Variants in CNOT1 observed in about 807,000 individuals in gnomAD.
CNOT1 encodes CCR4-associated factor 1.
A neutral mutation model predicts 273.8 loss-of-function variants in CNOT1; 15 were observed. The observed-to-expected ratio is 0.05, with a 90% CI of 0.04 to 0.08. The LOEUF (loss-of-function observed/expected upper bound fraction) is 0.08, where lower values mean the gene tolerates loss of function less well. Ranked by LOEUF, CNOT1 falls within the 10% of genes least tolerant of loss-of-function variation. The pLI is 1.00. For missense variants in CNOT1, 1,644 were observed against 2,912.2 expected (o/e 0.56, Z 10.02); for synonymous variants, 1,022 against 1,005.5 (o/e 1.02, Z -0.31).
chr16:58,558,358 A>T (rs981133191), intron 18 of CNOT1, 115 bp downstream of exon 18: 1 of 1,519,216 alleles, frequency 6.6e-7, no homozygotes, highest in African/African-American at 1.4e-5. Context: ...TAGCTTTCAC[A>T]ATTTCATTTA....
intron 47 of CNOT1, 192 bp downstream of exon 47, chr16:58,523,178 G>A (rs1457156057): frequency 4.9e-6 from 2 of 405,266 alleles, no homozygotes; most frequent in African/African-American, 4.1e-5. Context: ...CTGGGAGGCG[G>A]AGGTTGCAGT....
At chr16:58,550,541 T>C (rs1049603537) in intron 24 of CNOT1, among the ~76,000 whole-genome samples, 3 of 152,216 alleles carry the variant, frequency 2.0e-5, no homozygotes, top group Admixed American at 6.5e-5. Context: ...TTCTTTTTTC[T>C]AGTTTATTTT....
At chr16:58,622,333 TGGGGGGGGGG>T (rs71155283) in intron 1 of CNOT1, among the ~76,000 whole-genome samples, 1 of 6,168 alleles carries the variant, frequency 1.6e-4, no homozygotes, top group Admixed American at 4.1e-3. Context: ...ACCACTCTAG[TGGGGGGGGGG>T]GGGGGGGCGG....
chr16:58,596,721 A>T (rs1274849832), intron 2 of CNOT1, among the ~76,000 whole-genome samples: 1 of 151,888 alleles, frequency 6.6e-6, no homozygotes, highest in Non-Finnish European at 1.5e-5. Context: ...CCCCGTCTCT[A>T]CTAAAAATAC....
intron 1 of CNOT1, among the ~76,000 whole-genome samples, chr16:58,625,877 A>C (rs2043556590): frequency 1.4e-5 from 2 of 145,754 alleles, no homozygotes; most frequent in Non-Finnish European, 3.0e-5. Context: ...AAAAAAAAAA[A>C]CTATTGTATA....
chr16:58,611,464 C>T (rs1262177486), intron 1 of CNOT1, among the ~76,000 whole-genome samples: 1 of 151,930 alleles, frequency 6.6e-6, no homozygotes, highest in African/African-American at 2.4e-5. Flanking sequence ...ACTCCCCAGT[C>T]AATTACTGAG....
intron 39 of CNOT1, among the ~76,000 whole-genome samples, chr16:58,535,729 CTTTTTTT>C (rs934094766): frequency 2.8e-5 from 4 of 145,036 alleles, no homozygotes; most frequent in African/African-American, 1.0e-4. Flanking sequence ...AACCTAATTT[CTTTTTTT>C]TTTTTAATTT....
chr16:58,605,265 G>A (rs935392989), intron 1 of CNOT1, among the ~76,000 whole-genome samples: 31 of 152,294 alleles, frequency 2.0e-4, no homozygotes, highest in African/African-American at 7.0e-4. Flanking sequence ...CACTTTGGGA[G>A]GCTGAGGCGG....
Position 58,547,711 on chromosome 16 carries a change from T to C in CNOT1, c.3523-29A>G, listed in dbSNP as rs780544931. 11 of 1,598,124 alleles carry C rather than the reference T, an allele frequency of 6.9e-6. No individual in the cohort carries two copies. The highest frequency in any genetic ancestry group is 8.5e-6 in the Non-Finnish European group (10 of 1,170,846). ...AAATAGTGTAAGATTAAGAAAGATA[T>C]GAGAATAAGCTTATGAAAGAAAACT... On this transcript the variant is annotated intron_variant, in intron 25 of 48. Transcript: ENST00000317147. This position sits in a 1 kb window ranked among gnomAD's most constrained non-coding sequence, Gnocchi z 4.0.
In CNOT1 at chr16:58,584,512, G is replaced by T. The variant is rs570821532; in HGVS notation, c.806+826C>A. Among the ~76,000 whole-genome samples the T allele has an allele frequency of 1.5e-4, 23 of 152,032 alleles. No homozygotes were observed. The South Asian group carries it at 4.6e-3, about 30-fold the overall frequency. On this transcript the variant is annotated intron_variant, in intron 8 of 48. Coordinates refer to ENST00000317147, the MANE Select transcript of CNOT1 (RefSeq NM_016284.5). Reference sequence around the variant, plus strand: ...CACCTAGCTAATTTTTGTATTTTTAGTATAGACAGGGTCTTCACCATGTTG... The same window carrying T: ...CACCTAGCTAATTTTTGTATTTTTATTATAGACAGGGTCTTCACCATGTTG...
At chr16:58,578,607 A>G (rs1010047113) in intron 13 of CNOT1, 92 bp downstream of exon 13, 1 of 1,373,812 alleles carries the variant, frequency 7.3e-7, no homozygotes, top group African/African-American at 2.7e-5. Flanking sequence ...TCAGAGATGT[A>G]AAAAAAAATT....
At position 58,551,730 on chromosome 16, in the gene CNOT1, G is replaced by C. The variant is rs1177548562; in HGVS notation, c.3060C>G (p.Ala1020=). Reference sequence around the variant, plus strand: ...TTGCTGGAACCTGGGCCTGAGCCTGGGCCTGAGCCAGTGCAATACTTCCAG... The same window carrying C: ...TTGCTGGAACCTGGGCCTGAGCCTGCGCCTGAGCCAGTGCAATACTTCCAG... ...TTPGSIALAQ[A]QAQAQVPAKA... The change falls in exon 23 of 49, where the codon GCC becomes GCG. Residue 1020 remains alanine (A), a synonymous_variant. Coordinates refer to ENST00000317147, the MANE Select transcript of CNOT1 (RefSeq NM_016284.5). 1 of 1,614,138 alleles carries C rather than the reference G, an allele frequency of 6.2e-7. No individual in the cohort carries two copies. The highest frequency in any genetic ancestry group is 8.5e-7 in the Non-Finnish European group (1 of 1,180,028).
intron 21 of CNOT1, among the ~76,000 whole-genome samples, chr16:58,554,539 A>G (rs1395412870): frequency 6.6e-6 from 1 of 152,224 alleles, no homozygotes; most frequent in Admixed American, 6.5e-5. Flanking sequence ...TCAAAGAACT[A>G]TACACCTAAA....
At chr16:58,595,430 A>C (rs1177507660) in intron 2 of CNOT1, among the ~76,000 whole-genome samples, 5 of 151,348 alleles carry the variant, frequency 3.3e-5, no homozygotes, top group African/African-American at 1.2e-4. Flanking sequence ...CAAAAAAAAA[A>C]AAAAAAAAAA....
In CNOT1 at chr16:58,620,955, T is replaced by C. The variant is rs538469517; in HGVS notation, c.-175+8773A>G. 3.1e-3 allele frequency among the ~76,000 whole-genome samples: 466 copies of C among 152,058 alleles called. 4 individuals are homozygous for C. The highest frequency in any genetic ancestry group is 5.0e-3 in the Non-Finnish European group (342 of 67,986). ...AAAACCAATGATAAAGAAACTATAA[T>C]GGAGATTAGTTAGAAAGTTATTTCA... On this transcript the variant is annotated intron_variant, in intron 1 of 48. Transcript: ENST00000317147.
intron 1 of CNOT1, among the ~76,000 whole-genome samples, chr16:58,605,028 C>T (rs1396589975): frequency 1.3e-5 from 2 of 150,666 alleles, no homozygotes; most frequent in African/African-American, 2.4e-5. Context: ...CCCAGCTGCT[C>T]GGGAGGCTGA....
intron 15 of CNOT1, 92 bp from the exon 16 acceptor site, chr16:58,574,852 A>G: frequency 1.3e-6 from 2 of 1,562,198 alleles, no homozygotes; most frequent in Non-Finnish European, 8.6e-7. Flanking sequence ...ACTAAAATCC[A>G]AAATAAGTAA....
intron 1 of CNOT1, among the ~76,000 whole-genome samples, chr16:58,602,904 T>C (rs1472749666): frequency 6.6e-6 from 1 of 152,118 alleles, no homozygotes; most frequent in East Asian, 1.9e-4. Context: ...AAAAAGCTCC[T>C]TGTCTTCCCC....
chr16:58,606,257 T>C (rs1567440550), intron 1 of CNOT1, among the ~76,000 whole-genome samples: 1 of 151,612 alleles, frequency 6.6e-6, no homozygotes, highest in Non-Finnish European at 1.5e-5. Flanking sequence ...ATATAAGAAA[T>C]AAAAAGTAAA....
Sources: allele counts gnomAD v4.1 joint callset (sites outside exome capture counted in the v4.1 genomes callset), GRCh38; gene constraint gnomAD v4.1.1; non-coding constraint Gnocchi (gnomAD v3.1); transcripts MANE v1.5; gene names NCBI Gene and HGNC (gene_info 2026-07-23, HGNC 2026-07-21).